The following PRDM5 variants were observed in gnomAD, a reference collection of about 807,000 sequenced individuals.
PRDM5 encodes PR/SET domain 5, also known as PR domain zinc finger protein 5.
Under a neutral mutation model 81.2 loss-of-function variants are expected in PRDM5, and 56 were observed. That is an observed-to-expected ratio of 0.69 (90% CI 0.56 to 0.86). The LOEUF is 0.86. Ranked by LOEUF, PRDM5 falls within the 40% of genes least tolerant of loss-of-function variation. The pLI is 0.00. For missense variants in PRDM5, 697 were observed against 770.1 expected (o/e 0.91, Z 1.12); for synonymous variants, 267 against 256.4 (o/e 1.04, Z -0.39).
intron 2 of PRDM5, among the ~76,000 whole-genome samples, chr4:120,862,751 C>G (rs535633345): frequency 2.0e-4 from 30 of 152,184 alleles, no homozygotes; most frequent in African/African-American, 6.7e-4. Flanking sequence ...TTGGTATATC[C>G]TAGGGAGAAG....
chr4:120,894,758 A>G (rs1323103883), intron 2 of PRDM5, among the ~76,000 whole-genome samples: 1 of 152,212 alleles, frequency 6.6e-6, no homozygotes, highest in Non-Finnish European at 1.5e-5. Context: ...TAAAACAGAG[A>G]ATGTCAATTT....
rs995680533 is a variant in PRDM5 at position 120,707,747 on chromosome 4, C to A, written c.1728+2562G>T. ...TATTTTCAACAAAGTGAAAAGAAAA[C>A]CTACAGAATGAAAAAAATATTTGCA... is the stretch of plus-strand genomic sequence containing the variant. On this transcript the variant is annotated intron_variant, in intron 15 of 15. Coordinates refer to ENST00000264808, the MANE Select transcript of PRDM5 (RefSeq NM_018699.4). Among the ~76,000 whole-genome samples, 2 of 151,770 alleles carry A rather than the reference C, an allele frequency of 1.3e-5. 1 individual carries two copies. The highest frequency in any genetic ancestry group is 1.3e-4 in the Admixed American group (2 of 15,240).
intron 14 of PRDM5, among the ~76,000 whole-genome samples, chr4:120,725,056 CAA>C (rs938608450): frequency 1.4e-4 from 21 of 152,142 alleles, no homozygotes; most frequent in Admixed American, 8.5e-4. Flanking sequence ...TTAGTTTGCT[CAA>C]AAGTCATAAA....
chr4:120,852,933 G>T (rs1759446827), intron 3 of PRDM5, among the ~76,000 whole-genome samples: 1 of 150,564 alleles, frequency 6.6e-6, no homozygotes, highest in Non-Finnish European at 1.5e-5. Context: ...TCAAAATACT[G>T]AGATCACAGA....
intron 7 of PRDM5, 86 bp downstream of exon 7, chr4:120,816,367 C>T: frequency 6.2e-7 from 1 of 1,608,254 alleles, no homozygotes; most frequent in Non-Finnish European, 8.5e-7. Flanking sequence ...AGCCAGCTCT[C>T]TCCTCAAGAG....
chr4:120,720,388 A>T (rs1439239376), intron 14 of PRDM5, among the ~76,000 whole-genome samples: 2 of 152,184 alleles, frequency 1.3e-5, no homozygotes, highest in African/African-American at 4.8e-5. Flanking sequence ...TTCGTTTAGC[A>T]TGATGGGCTT....
At chr4:120,853,632 T>C (rs1759543213) in intron 2 of PRDM5, 92 bp from the exon 3 acceptor site, 3 of 1,513,832 alleles carry the variant, frequency 2.0e-6, no homozygotes, top group Non-Finnish European at 1.8e-6. Flanking sequence ...TTTTCATAAG[T>C]ATATACCTTT....
At chr4:120,800,224 GT>G (rs1751944323) in intron 8 of PRDM5, among the ~76,000 whole-genome samples, 2 of 152,224 alleles carry the variant, frequency 1.3e-5, no homozygotes, top group Non-Finnish European at 2.9e-5. Context: ...CACAATAGAA[GT>G]TTCACATGAG....
intron 15 of PRDM5, among the ~76,000 whole-genome samples, chr4:120,699,787 A>G (rs963670018): frequency 1.3e-5 from 2 of 152,186 alleles, no homozygotes; most frequent in Non-Finnish European, 2.9e-5. Flanking sequence ...AAATGGGAAA[A>G]TATTTCATGC....
chr4:120,922,380 C>T (rs1352406170), intron 1 of PRDM5, 136 bp downstream of exon 1: 3 of 1,114,800 alleles, frequency 2.7e-6, no homozygotes, highest in East Asian at 1.0e-4. Context: ...GGCCTTCCCA[C>T]GGACGCCTGG....
chr4:120,779,807 G>C (rs1235569703), intron 12 of PRDM5, among the ~76,000 whole-genome samples: 1 of 152,084 alleles, frequency 6.6e-6, no homozygotes, highest in Non-Finnish European at 1.5e-5. Flanking sequence ...GGAGTTTGAG[G>C]CTCAAGAATT....
At chr4:120,875,943 T>C (rs1014937867) in intron 2 of PRDM5, among the ~76,000 whole-genome samples, 2 of 152,204 alleles carry the variant, frequency 1.3e-5, no homozygotes, top group African/African-American at 4.8e-5. Flanking sequence ...TAGAGTTTGT[T>C]CTGCTAGAAT....
At chr4:120,736,284 T>G (rs1403434936) in intron 14 of PRDM5, among the ~76,000 whole-genome samples, 2 of 151,802 alleles carry the variant, frequency 1.3e-5, no homozygotes, top group African/African-American at 2.4e-5. Context: ...GATACTCAGG[T>G]TGATTCCACA....
intron 13 of PRDM5, among the ~76,000 whole-genome samples, chr4:120,771,603 T>C (rs1363777076): frequency 6.6e-6 from 1 of 152,114 alleles, no homozygotes; most frequent in Non-Finnish European, 1.5e-5. Flanking sequence ...TAATTCCTTA[T>C]CAATAGTCAA....
At chr4:120,788,501 G>C (rs1750089699) in intron 10 of PRDM5, among the ~76,000 whole-genome samples, 1 of 152,126 alleles carries the variant, frequency 6.6e-6, no homozygotes, top group African/African-American at 2.4e-5. Context: ...ACAATAAGTA[G>C]ACAGCATTAT....
At chr4:120,780,773 CTT>C (rs1748919950) in intron 12 of PRDM5, among the ~76,000 whole-genome samples, 1 of 152,042 alleles carries the variant, frequency 6.6e-6, no homozygotes, top group Non-Finnish European at 1.5e-5. Flanking sequence ...TAAGAATTCA[CTT>C]TGAAATATAA....
intron 9 of PRDM5, 27 bp from the exon 10 acceptor site, chr4:120,798,451 C>G (rs780241856): frequency 1.4e-6 from 2 of 1,471,854 alleles, no homozygotes; most frequent in South Asian, 2.3e-5. Flanking sequence ...TGGAGACAAT[C>G]TCATATCTAT....
At chr4:120,877,777 C>T (rs1202613090) in intron 2 of PRDM5, among the ~76,000 whole-genome samples, 3 of 152,134 alleles carry the variant, frequency 2.0e-5, no homozygotes, top group Non-Finnish European at 4.4e-5. Flanking sequence ...TGCATTCCAG[C>T]CTGGGTGACA....
intron 8 of PRDM5, among the ~76,000 whole-genome samples, chr4:120,806,548 A>G (rs1158804194): frequency 1.3e-5 from 2 of 152,184 alleles, no homozygotes; most frequent in African/African-American, 4.8e-5. Flanking sequence ...AATACCACAC[A>G]TCTACAACCA....
Sources: gnomAD v4.1 joint callset for allele counts (sites outside exome capture counted in the v4.1 genomes callset) on GRCh38, gnomAD v4.1.1 for gene constraint, MANE v1.5 for transcripts, NCBI Gene and HGNC (gene_info 2026-07-23, HGNC 2026-07-21) for gene names.